MYH10: variants seen among roughly 807,000 people sequenced by gnomAD.
The protein encoded by MYH10 is myosin-10.
MYH10 carries 55 observed loss-of-function variants against 257.8 expected under a neutral mutation model. The ratio of observed to expected loss-of-function variants is 0.21; its 90% CI spans 0.17 to 0.27. The LOEUF (loss-of-function observed/expected upper bound fraction) is 0.27. Among genes scored for constraint, MYH10 ranks in the 10% least tolerant of loss-of-function variants. MYH10 has a pLI of 1.00. For synonymous variants in MYH10, 854 were observed against 921.7 expected, an observed-to-expected ratio of 0.93 and a Z score of 1.33; for missense variants, 1,631 against 2,500.6, an observed-to-expected ratio of 0.65 and a Z score of 7.42.
At chr17:8,564,742 C>T (rs557269201) in intron 7 of MYH10, among the ~76,000 whole-genome samples, 2 of 152,130 alleles carry the variant, frequency 1.3e-5, no homozygotes, top group Non-Finnish European at 2.9e-5. Flanking sequence ...ATGCTAGGAA[C>T]CAAAGATACA....
rs751706916 is a variant in MYH10 at position 8,500,861 on chromosome 17, C to T, written c.3709G>A (p.Glu1237Lys). 2 of 1,613,880 alleles carry T rather than the reference C, an allele frequency of 1.2e-6. No individual in the cohort carries two copies. Among genetic ancestry groups the T allele is most frequent in the Non-Finnish European group, 1.7e-6 (2 of 1,180,028 alleles). Residue 1237 changes from glutamate (E) to lysine (K), a missense_variant, in exon 29 of 43, where the codon GAG becomes AAG. Transcript: ENST00000360416. ...TGTTCCAGCTGCTCTGAGAGCTCCT[C>T]CAGGGCTGTTGCGTGTCTTTGTCTC... Reference protein sequence around the residue: ...DMRQRHATALEELSEQLEQAK... With the variant: ...DMRQRHATALKELSEQLEQAK...
At chr17:8,520,795 A>G in intron 19 of MYH10, 83 bp downstream of exon 19, 1 of 1,431,526 alleles carries the variant, frequency 7.0e-7, no homozygotes, top group Non-Finnish European at 9.4e-7. Context: ...ACAAGGAAAA[A>G]GATTTCCTTA....
intron 2 of MYH10, among the ~76,000 whole-genome samples, chr17:8,612,682 C>T (rs1209183457): frequency 6.6e-6 from 1 of 152,084 alleles, no homozygotes; most frequent in Non-Finnish European, 1.5e-5. Flanking sequence ...GAAACCCCGT[C>T]TCTACTAAAA....
At chr17:8,512,757 G>A (rs2081341939) in intron 23 of MYH10, 100 bp from the exon 24 acceptor site, 2 of 900,368 alleles carry the variant, frequency 2.2e-6, no homozygotes, top group African/African-American at 1.7e-5. Context: ...AAAGAAACTG[G>A]GAGATAAAAA....
intron 3 of MYH10, among the ~76,000 whole-genome samples, chr17:8,604,334 C>A (rs1351194141): frequency 6.6e-6 from 1 of 152,162 alleles, no homozygotes; most frequent in Non-Finnish European, 1.5e-5. Flanking sequence ...ATGAATGACT[C>A]CTCAAATTTA....
chr17:8,592,229 T>C (rs989873974), intron 3 of MYH10, among the ~76,000 whole-genome samples: 1 of 152,032 alleles, frequency 6.6e-6, no homozygotes, highest in Non-Finnish European at 1.5e-5. Context: ...AAATCAATGA[T>C]CTGGGCTCTT....
At chr17:8,521,430 A>G (rs2277671) in intron 17 of MYH10, 145 bp from the exon 18 acceptor site, 3 of 802,336 alleles carry the variant, frequency 3.7e-6, no homozygotes, top group Non-Finnish European at 5.9e-6. Context: ...CAGCATACTT[A>G]GGCACTGCAC....
At chr17:8,525,775 T>C (rs1029301248) in intron 17 of MYH10, among the ~76,000 whole-genome samples, 3 of 152,176 alleles carry the variant, frequency 2.0e-5, no homozygotes, top group African/African-American at 7.2e-5. Context: ...AAAAAAATAA[T>C]GCTTTAGACT....
At chr17:8,508,791 G>T in intron 25 of MYH10, 114 bp from the exon 26 acceptor site, 1 of 1,216,498 alleles carries the variant, frequency 8.2e-7, no homozygotes, top group Non-Finnish European at 1.2e-6. Flanking sequence ...TATCGGCACT[G>T]CCTCCCCCAG....
At chr17:8,554,675 C>T (rs960830931) in intron 7 of MYH10, among the ~76,000 whole-genome samples, 2 of 152,164 alleles carry the variant, frequency 1.3e-5, no homozygotes, top group Admixed American at 6.5e-5. Context: ...GCAAGCTGGG[C>T]GTGCTGACTC....
chr17:8,549,779 G>A (rs1024577820), intron 9 of MYH10, among the ~76,000 whole-genome samples: 2 of 151,788 alleles, frequency 1.3e-5, no homozygotes, highest in African/African-American at 2.4e-5. Flanking sequence ...CTGCCATCTC[G>A]GCTCGCTGCA....
intron 3 of MYH10, among the ~76,000 whole-genome samples, chr17:8,604,611 G>A (rs2084729540): frequency 6.6e-6 from 1 of 152,142 alleles, no homozygotes; most frequent in African/African-American, 2.4e-5. Context: ...ATGAGGTATT[G>A]TTTTAGAGCA....
At chr17:8,563,451 C>A (rs1489449440) in intron 7 of MYH10, among the ~76,000 whole-genome samples, 4 of 152,122 alleles carry the variant, frequency 2.6e-5, no homozygotes, top group African/African-American at 4.8e-5. Flanking sequence ...TATATATAGA[C>A]CCTCCCCAAT....
At position 8,521,180 on chromosome 17, in the gene MYH10, T is replaced by C; in HGVS notation, c.2063A>G (p.Tyr688Cys). 6.2e-7 allele frequency: 1 copy of C among 1,614,238 alleles called. No homozygotes were observed. Among genetic ancestry groups the C allele is most frequent in the Non-Finnish European group, 8.5e-7 (1 of 1,180,042 alleles). ...CATCAGCTTGGTGAGAGATTCTTTG[T>C]AGAGTTGCCCAACGGTACGAAACAT... ...KGMFRTVGQLYKESLTKLMAT... is the reference protein window; with the variant it reads ...KGMFRTVGQLCKESLTKLMAT... The change falls in exon 18 of 43, where the codon TAC (tyrosine) becomes TGC (cysteine). Residue 688 changes from tyrosine (Y) to cysteine (C), a missense_variant. Tyr to Cys is a radical substitution (Grantham distance 194). This residue lies in a region of MYH10 where 96 missense variants were observed against 146.2 expected (regional missense o/e 0.66). Coordinates refer to ENST00000360416, the MANE Select transcript of MYH10 (RefSeq NM_001256012.3).
chr17:8,627,423 A>G (rs2085725497), intron 1 of MYH10, among the ~76,000 whole-genome samples: 1 of 152,204 alleles, frequency 6.6e-6, no homozygotes. Flanking sequence ...CCATCCTTTC[A>G]GAAGTTCTTT....
chr17:8,585,252 CTA>C (rs2083861281), intron 4 of MYH10, among the ~76,000 whole-genome samples: 2 of 80,172 alleles, frequency 2.5e-5, no homozygotes, highest in Non-Finnish European at 5.3e-5. Flanking sequence ...GTGTATATAT[CTA>C]TATATGTGTA....
At chr17:8,590,343 C>T (rs1320558244) in intron 3 of MYH10, among the ~76,000 whole-genome samples, 1 of 152,064 alleles carries the variant, frequency 6.6e-6, no homozygotes, top group Admixed American at 6.5e-5. Flanking sequence ...GACAGAGTCT[C>T]GCTCTGTTGC....
intron 23 of MYH10, 72 bp downstream of exon 23, chr17:8,513,466 C>T (rs1482609753): frequency 5.7e-6 from 9 of 1,579,876 alleles, no homozygotes; most frequent in Admixed American, 3.7e-5. Context: ...TGAAATGTGT[C>T]GGGGTTGCTA....
At chr17:8,600,412 T>C (rs2084547101) in intron 3 of MYH10, among the ~76,000 whole-genome samples, 1 of 152,202 alleles carries the variant, frequency 6.6e-6, no homozygotes, top group Non-Finnish European at 1.5e-5. Flanking sequence ...AAGTCCAATC[T>C]TCTTGATTGG....
Sources: gnomAD v4.1 joint callset for allele counts (sites outside exome capture counted in the v4.1 genomes callset) on GRCh38, gnomAD v4.1.1 for gene constraint, gnomAD v4.1.1 regional missense constraint, MANE v1.5 for transcripts, NCBI Gene and HGNC (gene_info 2026-07-23, HGNC 2026-07-21) for gene names.